ALDH1L1: variants seen among roughly 807,000 people sequenced by gnomAD.
ALDH1L1 encodes the protein aldehyde dehydrogenase 1 family member L1.
ALDH1L1 carries 68 observed loss-of-function variants against 101.1 expected under a neutral mutation model. That is an observed-to-expected ratio of 0.67 (90% CI 0.55 to 0.82). The LOEUF (loss-of-function observed/expected upper bound fraction) is 0.82, where lower values mean the gene tolerates loss of function less well. ALDH1L1 is among the 40% of genes least tolerant of loss of function. ALDH1L1 has a pLI of 0.00. For synonymous variants in ALDH1L1, 486 were observed against 470.8 expected (o/e 1.03, Z -0.42); for missense variants, 1,087 against 1,172.7 (o/e 0.93, Z 1.07).
At chr3:126,159,476 G>A (rs1463356851) in intron 2 of ALDH1L1, 1 of 456,696 alleles carries the variant, frequency 2.2e-6, no homozygotes, top group Admixed American at 2.3e-5. Flanking sequence ...TTTGTATTCA[G>A]TTCTCTGTTA....
At chr3:126,179,048 C>T (rs964354148) in intron 1 of ALDH1L1, among the ~76,000 whole-genome samples, 1 of 152,204 alleles carries the variant, frequency 6.6e-6, no homozygotes. Context: ...ATGGCAGGCA[C>T]GGGAGCCTTG....
chr3:126,115,516 T>C (rs78306008), intron 17 of ALDH1L1: 1,640 of 155,456 alleles, frequency 0.011, 26 homozygotes, highest in African/African-American at 0.037. Context: ...TAAATTTTAC[T>C]GTGTATATTT....
upstream of ALDH1L1, chr3:126,181,356 C>T: frequency 3.0e-6 from 1 of 331,600 alleles, no homozygotes; most frequent in South Asian, 3.2e-5. Flanking sequence ...TGCTCCGTGC[C>T]CTGCTAAGCC....
chr3:126,188,625 T>A (rs972111268), intron 1 of ALDH1L1, among the ~76,000 whole-genome samples: 14 of 152,294 alleles, frequency 9.2e-5, no homozygotes, highest in Admixed American at 6.5e-4. Context: ...CTCCTCCCAC[T>A]TACCGTCATT....
chr3:126,155,360 G>A, intron 5 of ALDH1L1, 42 bp downstream of exon 5: 1 of 1,574,292 alleles, frequency 6.4e-7, no homozygotes. Flanking sequence ...ACCCCAGTCT[G>A]CTCACAGGCA....
intron 1 of ALDH1L1, among the ~76,000 whole-genome samples, chr3:126,175,572 G>A (rs908480768): frequency 1.3e-5 from 2 of 152,004 alleles, no homozygotes; most frequent in African/African-American, 2.4e-5. Context: ...GTAATCCATC[G>A]CATGAATAGG....
intron 1 of ALDH1L1, among the ~76,000 whole-genome samples, chr3:126,176,789 A>G (rs2081370808): frequency 2.0e-5 from 3 of 152,256 alleles, no homozygotes; most frequent in Admixed American, 2.0e-4. Flanking sequence ...AAGACAAGCC[A>G]TGGTTGGGGA....
chr3:126,155,360 G>T, intron 5 of ALDH1L1, 42 bp downstream of exon 5: 2 of 1,574,292 alleles, frequency 1.3e-6, no homozygotes, highest in East Asian at 4.5e-5. Context: ...ACCCCAGTCT[G>T]CTCACAGGCA....
At chr3:126,134,309 C>T (rs2080376858) in intron 12 of ALDH1L1, among the ~76,000 whole-genome samples, 1 of 152,204 alleles carries the variant, frequency 6.6e-6, no homozygotes, top group Non-Finnish European at 1.5e-5. Context: ...TGAGTAGAAT[C>T]TGTTATGATA....
In ALDH1L1 at chr3:126,154,598, C is replaced by T. The variant is rs1289505168; in HGVS notation, c.676G>A (p.Gly226Arg). ...CAGGCTCCCGGCACCTTGTCGTTCC[C>T]GCGGATCCAGTTGTGAATGGCCTCT... ...PAEAIHNWIR[G>R]NDKVPGAWTE... The change falls in exon 6 of 23, where the codon GGG becomes AGG. Residue 226 changes from glycine (G) to arginine (R), a missense_variant. Physicochemically the swap from Gly to Arg is moderately radical, Grantham distance 125 (BLOSUM62 -2). Around this residue, in one of 2 missense-constraint regions of ALDH1L1, gnomAD observed 645 missense variants for 637.0 expected, o/e 1.01. Transcript: ENST00000393434. 10 of 1,614,184 alleles carry T rather than the reference C, an allele frequency of 6.2e-6. No homozygotes were observed. Among genetic ancestry groups the T allele is most frequent in the African/African-American group, 2.7e-5 (2 of 75,048 alleles).
chr3:126,169,497 T>C (rs554061297), intron 1 of ALDH1L1, among the ~76,000 whole-genome samples: 1 of 152,358 alleles, frequency 6.6e-6, no homozygotes, highest in South Asian at 2.1e-4. Flanking sequence ...AAGAAGCCAA[T>C]GAAACCCTTG....
upstream of ALDH1L1, chr3:126,180,680 C>A: frequency 1.5e-6 from 2 of 1,366,782 alleles, no homozygotes; most frequent in Non-Finnish European, 1.9e-6. Flanking sequence ...GCGGCGCTCA[C>A]CGGTGGTGGG....
chr3:126,187,897 GAA>G (rs66586806), intron 1 of ALDH1L1, among the ~76,000 whole-genome samples: 2 of 151,788 alleles, frequency 1.3e-5, no homozygotes, highest in Non-Finnish European at 2.9e-5. Context: ...CTGTCAAAAA[GAA>G]AAAAACCTTA....
intron 9 of ALDH1L1, among the ~76,000 whole-genome samples, chr3:126,139,514 T>C (rs569844173): frequency 2.6e-5 from 4 of 151,678 alleles, no homozygotes; most frequent in Admixed American, 2.0e-4. Context: ...TATGAAGAAA[T>C]AGGAAAGAAG....
intron 19 of ALDH1L1, among the ~76,000 whole-genome samples, chr3:126,110,975 T>G (rs1004481388): frequency 1.3e-5 from 2 of 152,146 alleles, no homozygotes; most frequent in African/African-American, 4.8e-5. Context: ...TCTGTGGAAG[T>G]CTCATGACTC....
intron 1 of ALDH1L1, among the ~76,000 whole-genome samples, chr3:126,169,239 T>C (rs1180255415): frequency 2.6e-5 from 4 of 152,204 alleles, no homozygotes; most frequent in Non-Finnish European, 5.9e-5. Flanking sequence ...TTAAGCTAGC[T>C]ACAGCTTCTA....
At chr3:126,181,216 C>A (rs1486570932), upstream of ALDH1L1, 8 of 599,196 alleles carry the variant, frequency 1.3e-5, no homozygotes, top group Non-Finnish European at 2.1e-5. Context: ...GAGATCCTGG[C>A]CAGCCCGGTC....
intron 11 of ALDH1L1, among the ~76,000 whole-genome samples, chr3:126,136,098 G>C (rs928530051): frequency 1.3e-5 from 2 of 152,150 alleles, no homozygotes; most frequent in Admixed American, 6.5e-5. Context: ...CAAGGGCACC[G>C]CACTGTCCTG....
intron 7 of ALDH1L1, chr3:126,151,490 T>C (rs1200577626): frequency 2.6e-5 from 4 of 152,216 alleles, no homozygotes; most frequent in Non-Finnish European, 4.4e-5. Context: ...GCCTCAGATT[T>C]ACTGTATTTA....
Sources: gnomAD v4.1 joint callset for allele counts (sites outside exome capture counted in the v4.1 genomes callset) on GRCh38, gnomAD v4.1.1 for gene constraint, gnomAD v4.1.1 regional missense constraint, MANE v1.5 for transcripts, NCBI Gene and HGNC (gene_info 2026-07-23, HGNC 2026-07-21) for gene names.